Variants in PTGS1 observed in about 807,000 individuals in gnomAD.
PTGS1 encodes prostaglandin G/H synthase 1.
In PTGS1, 40 loss-of-function variants were observed where a neutral mutation model predicts 63.0. The ratio of observed to expected loss-of-function variants is 0.63; its 90% CI spans 0.49 to 0.83. The LOEUF (loss-of-function observed/expected upper bound fraction) is 0.83, where lower values mean the gene tolerates loss of function less well. PTGS1 is among the 40% of genes least tolerant of loss of function. The pLI, the probability that PTGS1 is intolerant of heterozygous loss-of-function variation, is 0.00. For missense variants in PTGS1, 709 were observed against 786.5 expected (o/e 0.90, Z 1.18); for synonymous variants, 298 against 301.9 (o/e 0.99, Z 0.13).
intron 10 of PTGS1, among the ~76,000 whole-genome samples, chr9:122,391,315 C>T (rs150486517): frequency 8.7e-4 from 91 of 104,950 alleles, no homozygotes; most frequent in African/African-American, 6.4e-3. Flanking sequence ...TATACATATA[C>T]ACACACATAT....
chr9:122,390,070 G>A (rs1838112504), intron 9 of PTGS1, 128 bp from the exon 10 acceptor site: 1 of 1,131,756 alleles, frequency 8.8e-7, no homozygotes, highest in Non-Finnish European at 1.2e-6. Context: ...CAACTGCTAG[G>A]CTGCCCAACA....
rs148452494 is a variant in PTGS1, at chr9:122,381,549, T to G, written c.675T>G (p.His225Gln). ...CTGGCTTCACCAAGGCCTTGGGCCA[T>G]GGGGTGAGTACCTAGGAGGGGCTCA... ...MGPGFTKALGHGVDLGHIYGD... is the reference protein window; with the variant it reads ...MGPGFTKALGQGVDLGHIYGD... The change falls in exon 6 of 11, where the codon CAT (histidine) becomes CAG (glutamine). Residue 225 changes from histidine (H) to glutamine (Q), a missense_variant. Transcript: ENST00000362012. 1 of 1,614,008 alleles carries G rather than the reference T, an allele frequency of 6.2e-7. No individual in the cohort carries two copies.
chr9:122,386,319 C>A (rs1229214501), intron 8 of PTGS1, 127 bp from the exon 9 acceptor site: 1 of 1,049,114 alleles, frequency 9.5e-7, no homozygotes, highest in African/African-American at 1.6e-5. Context: ...TAAAAATAAA[C>A]ATCAACAGCA....
At chr9:122,384,158 C>G (rs1044159948) in intron 8 of PTGS1, among the ~76,000 whole-genome samples, 1 of 152,150 alleles carries the variant, frequency 6.6e-6, no homozygotes, top group Non-Finnish European at 1.5e-5. Flanking sequence ...ACTTGCCCGG[C>G]CTTCAGGAAT....
At chr9:122,391,087 C>T (rs898092800) in intron 10 of PTGS1, among the ~76,000 whole-genome samples, 8 of 151,556 alleles carry the variant, frequency 5.3e-5, no homozygotes, top group South Asian at 2.1e-4. Context: ...TTTCTAAGTA[C>T]CCACTTACGG....
rs1038686159 is a variant in PTGS1 at position 122,394,475 on chromosome 9, A to T, written c.*1931A>T. ...GAATGCAATCCTTCCCTGCTCTTGC[A>T]GTTGCTCTGACGTAGAAAGATCCTT... is the stretch of plus-strand genomic sequence containing the variant. On this transcript the variant is annotated 3_prime_UTR_variant, in exon 11 of 11. Transcript: ENST00000362012. The T allele has an allele frequency of 6.6e-6, 1 of 152,198 alleles. No individual in the cohort carries two copies. The highest frequency in any genetic ancestry group is 2.4e-5 in the African/African-American group (1 of 41,430). 9.4% of individuals were successfully genotyped at this position (152,198 alleles called of 1,614,324 possible). A position where few individuals can be genotyped will look rare whatever the true frequency, so the allele number is the denominator to read the frequency against.
chr9:122,376,343 C>CTT (rs1554719032), intron 2 of PTGS1, among the ~76,000 whole-genome samples: 1 of 119,186 alleles, frequency 8.4e-6, no homozygotes, highest in Non-Finnish European at 1.7e-5. Flanking sequence ...GTGGTCCTTG[C>CTT]TTGTGTGTGT....
Position 122,392,869 on chromosome 9 carries a change from A to C in PTGS1, c.*325A>C, listed in dbSNP as rs201829416. On this transcript the variant is annotated 3_prime_UTR_variant, in exon 11 of 11. Transcript: ENST00000362012. ...CACAGTCATTCTAGGATGTGGAGCT[A>C]CTGATGAAATCTGCTAGAAAGTTAG... The C allele has an allele frequency of 8.3e-6, 2 of 240,146 alleles. No homozygotes were observed. The highest frequency in any genetic ancestry group is 4.4e-5 in the African/African-American group (2 of 45,282). 14.9% of individuals were successfully genotyped at this position (240,146 alleles called of 1,614,324 possible).
intron 5 of PTGS1, among the ~76,000 whole-genome samples, chr9:122,379,865 T>G (rs533730734): frequency 6.6e-6 from 1 of 152,344 alleles, no homozygotes; most frequent in South Asian, 2.1e-4. Context: ...GTAATTTCCA[T>G]TGATCTTGAA....
chr9:122,392,600 G>T lies in PTGS1; in HGVS notation c.*56G>T. 6.6e-7 allele frequency: 1 copy of T among 1,510,872 alleles called. No homozygotes were observed. Among genetic ancestry groups the T allele is most frequent in the Non-Finnish European group, 9.1e-7 (1 of 1,104,236 alleles). The allele number at this position is 1,510,872 out of a possible 1,614,324, so 93.6% of individuals were successfully genotyped here. On this transcript the variant is annotated 3_prime_UTR_variant, in exon 11 of 11. Coordinates refer to ENST00000362012, the MANE Select transcript of PTGS1 (RefSeq NM_000962.4). ...AGCTTTGTGCTTGTCATTCCAGAGTGCTGAGGCCAGGGCTGATGGTCTTAA... is the reference window on the plus strand; with the variant it reads ...AGCTTTGTGCTTGTCATTCCAGAGTTCTGAGGCCAGGGCTGATGGTCTTAA...
intron 9 of PTGS1, among the ~76,000 whole-genome samples, chr9:122,389,761 C>T (rs1838090712): frequency 6.6e-6 from 1 of 151,918 alleles, no homozygotes; most frequent in Non-Finnish European, 1.5e-5. Context: ...TTGAGACCAG[C>T]CTGGGCAATA....
chr9:122,378,000 C>T lies in PTGS1; in HGVS notation c.196C>T (p.Pro66Ser). The T allele has an allele frequency of 6.2e-7, 1 of 1,613,040 alleles. No homozygotes were observed. The highest frequency in any genetic ancestry group is 8.5e-7 in the Non-Finnish European group (1 of 1,179,904). Reference sequence around the variant, plus strand: ...CTGCACCCGCACGGGCTATTCCGGCCCCAACTGCACCATCCGTGAGCTGGG... The same window carrying T: ...CTGCACCCGCACGGGCTATTCCGGCTCCAACTGCACCATCCGTGAGCTGGG... The part of the protein sequence containing the change: ...CDCTRTGYSG[P>S]NCTIPGLWTW... Residue 66 changes from proline (P) to serine (S), a missense_variant, in exon 3 of 11, where the codon CCC (proline) becomes TCC (serine). Physicochemically the swap from Pro to Ser is moderately conservative, Grantham distance 74 (BLOSUM62 -1). Coordinates refer to ENST00000362012, the MANE Select transcript of PTGS1 (RefSeq NM_000962.4).
chr9:122,375,002 G>A (rs10306128), intron 2 of PTGS1, among the ~76,000 whole-genome samples: 2,445 of 152,252 alleles, frequency 0.016, 69 homozygotes, highest in African/African-American at 0.054. Context: ...ATAAATGAGC[G>A]TGGGTGTGGA....
chr9:122,378,104 C>T (rs955893945), intron 3 of PTGS1, 89 bp downstream of exon 3: 6 of 1,236,862 alleles, frequency 4.9e-6, no homozygotes, highest in Non-Finnish European at 7.0e-6. Flanking sequence ...TCCTACCCTC[C>T]TCTCTGACCA....
intron 10 of PTGS1, among the ~76,000 whole-genome samples, chr9:122,391,807 C>T (rs1838303702): frequency 6.6e-6 from 1 of 152,070 alleles, no homozygotes; most frequent in South Asian, 2.1e-4. Context: ...GGGCTTGGCC[C>T]AGGCTAAGGT....
chr9:122,390,377 C>T, intron 10 of PTGS1, 32 bp downstream of exon 10: 1 of 1,607,544 alleles, frequency 6.2e-7, no homozygotes, highest in African/African-American at 1.3e-5. Context: ...GCAGTCCCTG[C>T]CCTTGAGGGA....
rs1838489463 is a variant in PTGS1, at chr9:122,394,891, G to A, written c.*2347G>A. ...AGGAATTCCTCTTTTGCTTAAATCA[G>A]TTGGAGTTTGTGTCTGTTGCTTGTA... On this transcript the variant is annotated 3_prime_UTR_variant, in exon 11 of 11. Transcript: ENST00000362012. 6.6e-6 allele frequency: 1 copy of A among 152,244 alleles called. No homozygotes were observed. The highest frequency in any genetic ancestry group is 2.1e-4 in the South Asian group (1 of 4,830). 9.4% of individuals were successfully genotyped at this position (152,244 alleles called of 1,614,324 possible).
intron 2 of PTGS1, among the ~76,000 whole-genome samples, chr9:122,374,008 C>G (rs1474592196): frequency 1.3e-5 from 2 of 152,162 alleles, no homozygotes; most frequent in Non-Finnish European, 2.9e-5. Context: ...GTGCCTGTCC[C>G]CTAGTCACGC....
intron 10 of PTGS1, among the ~76,000 whole-genome samples, chr9:122,391,347 C>CTATATATATACA (rs1838229833): frequency 1.8e-5 from 2 of 109,564 alleles, no homozygotes; most frequent in African/African-American, 3.6e-5. Flanking sequence ...TATATATATA[C>CTATATATATACA]TATATATATA....
Sources: allele counts gnomAD v4.1 joint callset (sites outside exome capture counted in the v4.1 genomes callset), GRCh38; gene constraint gnomAD v4.1.1; transcripts MANE v1.5; gene names NCBI Gene and HGNC (gene_info 2026-07-23, HGNC 2026-07-21).